Variants in CNGA3 observed in about 807,000 individuals in gnomAD.
The protein encoded by CNGA3 is cyclic nucleotide gated channel subunit alpha 3.
Under a neutral mutation model 46.6 loss-of-function variants are expected in CNGA3, and 42 were observed. The observed-to-expected ratio is 0.90, with a 90% confidence interval of 0.70 to 1.17. The LOEUF (loss-of-function observed/expected upper bound fraction) is 1.17. Ranked by LOEUF, CNGA3 falls within the 50% of genes most tolerant of loss-of-function variation. CNGA3 has a pLI of 0.00. For missense variants in CNGA3, 893 were observed against 890.7 expected (o/e 1.00, Z -0.03); for synonymous variants, 394 against 369.4 (o/e 1.07, Z -0.76).
intron 4 of CNGA3, among the ~76,000 whole-genome samples, chr2:98,380,636 C>T (rs965775317): frequency 6.6e-6 from 1 of 152,120 alleles, no homozygotes; most frequent in Non-Finnish European, 1.5e-5. Flanking sequence ...GTTAGGGTCC[C>T]CTGGAAATCA....
chr2:98,392,631 A>G (rs1160571288), intron 7 of CNGA3, among the ~76,000 whole-genome samples: 1 of 151,958 alleles, frequency 6.6e-6, no homozygotes, highest in Non-Finnish European at 1.5e-5. Context: ...CCGGACTGCA[A>G]TCTCGAAGGA....
intron 7 of CNGA3, among the ~76,000 whole-genome samples, chr2:98,392,771 CAT>C (rs919598179): frequency 6.6e-6 from 1 of 152,086 alleles, no homozygotes; most frequent in African/African-American, 2.4e-5. Context: ...GGACTTTTAA[CAT>C]GTGGAGAATG....
chr2:98,385,763 G>T (rs1300325481), intron 5 of CNGA3, among the ~76,000 whole-genome samples: 1 of 152,172 alleles, frequency 6.6e-6, no homozygotes, highest in Non-Finnish European at 1.5e-5. Flanking sequence ...TATACAGGAA[G>T]CATAGCAGCT....
At chr2:98,393,890 A>G (rs76317557) in intron 7 of CNGA3, among the ~76,000 whole-genome samples, 1 of 151,968 alleles carries the variant, frequency 6.6e-6, no homozygotes, top group Non-Finnish European at 1.5e-5. Context: ...CAAGGCCCTC[A>G]GTAACGCATG....
chr2:98,374,287 G>A (rs1692356365), intron 2 of CNGA3, among the ~76,000 whole-genome samples: 1 of 152,240 alleles, frequency 6.6e-6, no homozygotes, highest in South Asian at 2.1e-4. Context: ...TGAAAATTAT[G>A]TTGTCTTTCA....
At chr2:98,374,621 C>A (rs1206127855) in intron 2 of CNGA3, among the ~76,000 whole-genome samples, 1 of 152,198 alleles carries the variant, frequency 6.6e-6, no homozygotes, top group African/African-American at 2.4e-5. Context: ...CCAAATGTCA[C>A]CTCAGACATC....
chr2:98,358,475 T>C (rs1488941035), intron 1 of CNGA3, among the ~76,000 whole-genome samples: 6 of 151,988 alleles, frequency 3.9e-5, no homozygotes, highest in Admixed American at 1.3e-4. Context: ...CCCTATGAAA[T>C]TGTCATGCAA....
At position 98,367,296 on chromosome 2, in the gene CNGA3, A is replaced by G. The variant is rs536921461; in HGVS notation, c.-37-2643A>G. Among the ~76,000 whole-genome samples, 383 of 149,220 alleles carry G rather than the reference A, an allele frequency of 2.6e-3. 1 individual carries two copies. The highest frequency in any genetic ancestry group is 3.8e-3 in the Non-Finnish European group (254 of 67,572). On this transcript the variant is annotated intron_variant, in intron 1 of 7. Transcript: ENST00000272602. ...CGCAAGCTCCGCCTCCCGGGTTCAC[A>G]CCATTCTCCTGCCTCAGCCTCCCGA...
chr2:98,390,317 T>C (rs1467967035), intron 6 of CNGA3, among the ~76,000 whole-genome samples: 2 of 146,714 alleles, frequency 1.4e-5, no homozygotes, highest in Non-Finnish European at 3.1e-5. Flanking sequence ...TATATATATG[T>C]ATTTTTTTTT....
Position 98,380,364 on chromosome 2 carries a change from G to C in CNGA3, c.395+10G>C, listed in dbSNP as rs367602506. 1 of 1,612,720 alleles carries C rather than the reference G, an allele frequency of 6.2e-7. No individual in the cohort carries two copies. The highest frequency in any genetic ancestry group is 8.5e-7 in the Non-Finnish European group (1 of 1,179,334). On this transcript the variant is annotated intron_variant, in intron 4 of 7. Transcript: ENST00000272602. ...CAGACAGAGGGAGAAGGTAAGGAAC[G>C]GAAAAGAAGAAGGGGCCTCTGGTGC...
intron 2 of CNGA3, among the ~76,000 whole-genome samples, chr2:98,376,179 G>A (rs1281073577): frequency 3.3e-5 from 5 of 152,144 alleles, no homozygotes; most frequent in African/African-American, 9.7e-5. Context: ...TGTGTTACAG[G>A]ACTGCTTTGG....
chr2:98,379,091 C>T (rs1574377068), intron 3 of CNGA3, among the ~76,000 whole-genome samples: 1 of 152,182 alleles, frequency 6.6e-6, no homozygotes, highest in Non-Finnish European at 1.5e-5. Flanking sequence ...GACCTTGGTT[C>T]CACCCTCTTG....
Position 98,390,096 on chromosome 2 carries a change from C to T in CNGA3, c.566+322C>T, listed in dbSNP as rs1054707688. Among the ~76,000 whole-genome samples, 4 of 151,326 alleles carry T rather than the reference C, an allele frequency of 2.6e-5. No individual in the cohort carries two copies. In the East Asian group the frequency reaches 7.7e-4, roughly 29 times the overall value. On this transcript the variant is annotated intron_variant, in intron 6 of 7. Transcript: ENST00000272602. ...GGAGGGATAAGTGGGTGGTTCTGAACATGCAGCAGGGTAGGGAGGCAGGGG... is the reference window on the plus strand; with the variant it reads ...GGAGGGATAAGTGGGTGGTTCTGAATATGCAGCAGGGTAGGGAGGCAGGGG...
At chr2:98,384,990 G>C (rs1478765402) in intron 5 of CNGA3, among the ~76,000 whole-genome samples, 1 of 152,144 alleles carries the variant, frequency 6.6e-6, no homozygotes, top group African/African-American at 2.4e-5. Flanking sequence ...GGTCTCATTT[G>C]TCCTGAATAA....
Position 98,389,667 on chromosome 2 carries a change from G to A in CNGA3, c.459G>A (p.Thr153=), listed in dbSNP as rs764028648. ...TSNNTEEEKK[T]KKKDAIVVDP... Reference sequence around the variant, plus strand: ...ATGTGTGGGTTTCCAGGAAGAAGACGAAAAAGAAGGATGCGATCGTGGTGG... The same window carrying A: ...ATGTGTGGGTTTCCAGGAAGAAGACAAAAAAGAAGGATGCGATCGTGGTGG... The change falls in exon 6 of 8, where the codon ACG becomes ACA. Residue 153 remains threonine (T), a synonymous_variant. Transcript: ENST00000272602. The A allele has an allele frequency of 4.7e-5, 76 of 1,613,934 alleles. No homozygotes were observed. The highest frequency in any genetic ancestry group is 6.0e-5 in the Non-Finnish European group (71 of 1,179,968).
intron 1 of CNGA3, among the ~76,000 whole-genome samples, chr2:98,348,150 G>T (rs971374632): frequency 6.6e-6 from 1 of 152,186 alleles, no homozygotes; most frequent in Admixed American, 6.5e-5. Context: ...CCCCTGCTTC[G>T]CACCAATGCC....
rs548419353 is a variant in CNGA3, at chr2:98,380,427, T to C, written c.395+73T>C. The C allele has an allele frequency of 1.9e-6, 3 of 1,546,938 alleles. No homozygotes were observed. The East Asian group carries it at 7.2e-5, about 37-fold the overall frequency. On this transcript the variant is annotated intron_variant, in intron 4 of 7. Transcript: ENST00000272602. ...GGCAGGAAGCCTGTGCTTTGCTCCA[T>C]CCTGTTTGGATGCAGCACAGGTGGC...
Position 98,396,643 on chromosome 2 carries a change from G to A in CNGA3, c.1473G>A (p.Leu491=). The A allele has an allele frequency of 6.2e-7, 1 of 1,614,146 alleles. No homozygotes were observed. The highest frequency in any genetic ancestry group is 8.5e-7 in the Non-Finnish European group (1 of 1,180,008). The change falls in exon 8 of 8, where the codon CTG becomes CTA. Residue 491 remains leucine (L), a synonymous_variant. Coordinates refer to ENST00000272602, the MANE Select transcript of CNGA3 (RefSeq NM_001298.3). Reference sequence around the variant, plus strand: ...TCCAGGACTGTGAGGCAGGGCTGCTGGTGGAGCTGGTGCTGAAGCTGCGAC... The same window carrying A: ...TCCAGGACTGTGAGGCAGGGCTGCTAGTGGAGCTGGTGCTGAAGCTGCGAC... ...RIFQDCEAGL[L]VELVLKLRPT...
Position 98,396,903 on chromosome 2 carries a change from G to A in CNGA3, c.1733G>A (p.Cys578Tyr), listed in dbSNP as rs1692932605. Residue 578 changes from cysteine to tyrosine, a missense_variant, in exon 8 of 8, where the codon TGC becomes TAC. Coordinates refer to ENST00000272602, the MANE Select transcript of CNGA3 (RefSeq NM_001298.3). ...IRSIGYSDLF[C>Y]LSKDDLMEAL... is the part of the protein sequence containing the mutation. ...AGCATTGGCTACTCAGACCTGTTCT[G>A]CCTCTCAAAGGACGATCTCATGGAG... 4 of 1,614,046 alleles carry A rather than the reference G, an allele frequency of 2.5e-6. No individual in the cohort carries two copies. In the African/African-American group the frequency reaches 5.3e-5, roughly 22 times the overall value.
Sources: allele counts gnomAD v4.1 joint callset (sites outside exome capture counted in the v4.1 genomes callset), GRCh38; gene constraint gnomAD v4.1.1; transcripts MANE v1.5; gene names NCBI Gene and HGNC (gene_info 2026-07-23, HGNC 2026-07-21).